Variants in ASTN2 observed in about 807,000 individuals in gnomAD.
The protein encoded by ASTN2 is astrotactin 2, also known as astrotactin-2.
ASTN2 carries 54 observed loss-of-function variants against 139.8 expected under a neutral mutation model. The observed-to-expected ratio is 0.39, with a 90% CI of 0.31 to 0.48. The LOEUF is 0.48. Ranked by LOEUF, ASTN2 falls within the 20% of genes least tolerant of loss-of-function variation. ASTN2 has a pLI of 0.95. For synonymous variants in ASTN2, 756 were observed against 719.5 expected (o/e 1.05, Z -0.81); for missense variants, 1,565 against 1,725.1 (o/e 0.91, Z 1.64).
chr9:116,710,624 G>A (rs553230577), intron 16 of ASTN2, among the ~76,000 whole-genome samples: 119 of 150,964 alleles, frequency 7.9e-4, no homozygotes, highest in African/African-American at 2.8e-3. Flanking sequence ...CCAGCTACTC[G>A]GGGAAGTCTG....
chr9:116,836,380 C>A (rs1564294409), intron 11 of ASTN2, among the ~76,000 whole-genome samples: 1 of 152,132 alleles, frequency 6.6e-6, no homozygotes, highest in Non-Finnish European at 1.5e-5. Flanking sequence ...GATGGGGGTG[C>A]TCACTATCTA....
At chr9:116,808,160 C>A (rs1307427365) in intron 12 of ASTN2, among the ~76,000 whole-genome samples, 2 of 152,048 alleles carry the variant, frequency 1.3e-5, no homozygotes, top group Non-Finnish European at 2.9e-5. Flanking sequence ...TTATCAAAGT[C>A]TATAGAGTAA....
intron 22 of ASTN2, among the ~76,000 whole-genome samples, chr9:116,438,897 C>T (rs941153542): frequency 1.3e-5 from 2 of 152,236 alleles, no homozygotes; most frequent in East Asian, 3.9e-4. Flanking sequence ...TTGCAGTGAG[C>T]CAAGATAGCA....
intron 4 of ASTN2, among the ~76,000 whole-genome samples, chr9:117,102,694 G>A (rs943912057): frequency 1.3e-5 from 2 of 151,944 alleles, no homozygotes; most frequent in African/African-American, 4.8e-5. Flanking sequence ...AGCTAATTTT[G>A]TATTTTTAAT....
Position 116,783,413 on chromosome 9 carries a change from C to A in ASTN2, c.2396+22219G>T, listed in dbSNP as rs537919686. On this transcript the variant is annotated intron_variant, in intron 13 of 22. Transcript: ENST00000313400. ...TCTATCTTGTTAACGACCTACCACG[C>A]ACCAAGCCCTGTTCACTCTAATTAC... 2.6e-5 allele frequency among the ~76,000 whole-genome samples: 4 copies of A among 151,754 alleles called. No individual in the cohort carries two copies. The East Asian group carries it at 7.8e-4, about 30-fold the overall frequency.
chr9:116,479,410 C>A (rs1849095398), intron 20 of ASTN2, among the ~76,000 whole-genome samples: 1 of 152,166 alleles, frequency 6.6e-6, no homozygotes, highest in African/African-American at 2.4e-5. Flanking sequence ...CCAGGCTGTG[C>A]CCAGGAGAGG....
intron 13 of ASTN2, among the ~76,000 whole-genome samples, chr9:116,778,949 A>G (rs377381400): frequency 6.6e-6 from 1 of 152,332 alleles, no homozygotes; most frequent in East Asian, 1.9e-4. Flanking sequence ...GAACTATCGC[A>G]TACTGTTAGG....
chr9:117,307,638 G>C (rs748255974), intron 1 of ASTN2, among the ~76,000 whole-genome samples: 1 of 152,196 alleles, frequency 6.6e-6, no homozygotes, highest in Non-Finnish European at 1.5e-5. Context: ...TGTGTGCACT[G>C]GTTCTTTACA....
chr9:116,425,116 T>C lies in ASTN2; in HGVS notation c.*735A>G, dbSNP rs543107674. The stretch of plus-strand genomic sequence containing the variant: ...GTTCCCTGAGGGAAGGAAGCTTCTC[T>C]GTCTTTAGTTGCATATGCTCTGTGA... On this transcript the variant is annotated 3_prime_UTR_variant, in exon 23 of 23. Coordinates refer to ENST00000313400, the MANE Select transcript of ASTN2 (RefSeq NM_001365068.1). The C allele has an allele frequency of 2.4e-5, 4 of 165,214 alleles. No homozygotes were observed. In the South Asian group the frequency reaches 7.1e-4, roughly 29 times the overall value. 10.2% of individuals were successfully genotyped at this position (165,214 alleles called of 1,614,324 possible). A position where few individuals can be genotyped will look rare whatever the true frequency, so the allele number is the denominator to read the frequency against.
chr9:116,480,946 A>G (rs1307108694), intron 20 of ASTN2, among the ~76,000 whole-genome samples: 2 of 152,196 alleles, frequency 1.3e-5, no homozygotes, highest in East Asian at 3.8e-4. Flanking sequence ...CACAAATAGT[A>G]GTCACAGTGG....
chr9:116,700,212 C>T (rs556842802), intron 16 of ASTN2: 123 of 195,298 alleles, frequency 6.3e-4, no homozygotes, highest in African/African-American at 2.8e-3. Flanking sequence ...ATTCCCGTAA[C>T]ATTATGTCTC....
intron 3 of ASTN2, among the ~76,000 whole-genome samples, chr9:117,161,260 A>C (rs2132901846): frequency 6.6e-6 from 1 of 152,200 alleles, no homozygotes; most frequent in East Asian, 1.9e-4. Context: ...AAGGAACACA[A>C]AAATAACTCT....
At chr9:117,142,111 G>A (rs1830089256) in intron 3 of ASTN2, among the ~76,000 whole-genome samples, 2 of 152,204 alleles carry the variant, frequency 1.3e-5, no homozygotes, top group Admixed American at 6.5e-5. Context: ...GTAGTTACAA[G>A]AGAGCTTGCA....
chr9:116,814,335 A>G (rs113784577), intron 12 of ASTN2, among the ~76,000 whole-genome samples: 2 of 152,242 alleles, frequency 1.3e-5, no homozygotes, highest in African/African-American at 4.8e-5. Flanking sequence ...AACATTAACC[A>G]AACGAAGATC....
At chr9:117,244,527 G>GGGAAGGAA (rs1299031563) in intron 2 of ASTN2, among the ~76,000 whole-genome samples, 1 of 148,108 alleles carries the variant, frequency 6.8e-6, no homozygotes, top group Non-Finnish European at 1.5e-5. Flanking sequence ...TAGAACAGTG[G>GGGAAGGAA]GGAAGGAAGG....
intron 13 of ASTN2, among the ~76,000 whole-genome samples, chr9:116,751,645 A>C (rs927658594): frequency 6.6e-6 from 1 of 152,150 alleles, no homozygotes; most frequent in African/African-American, 2.4e-5. Context: ...TGCTGGAATT[A>C]ATAAGTGATT....
intron 3 of ASTN2, among the ~76,000 whole-genome samples, chr9:117,209,277 T>C (rs1832042237): frequency 6.6e-6 from 1 of 151,814 alleles, no homozygotes; most frequent in Non-Finnish European, 1.5e-5. Flanking sequence ...GATGAAAAAA[T>C]AAGACAAAAC....
At chr9:116,514,065 G>A (rs1265002698) in intron 19 of ASTN2, among the ~76,000 whole-genome samples, 2 of 151,914 alleles carry the variant, frequency 1.3e-5, no homozygotes, top group African/African-American at 4.8e-5. Flanking sequence ...CTTTGGAGGT[G>A]GAGAGGTGCT....
intron 1 of ASTN2, among the ~76,000 whole-genome samples, chr9:117,326,745 G>T (rs1828532166): frequency 1.3e-5 from 2 of 151,830 alleles, no homozygotes; most frequent in Non-Finnish European, 2.9e-5. Flanking sequence ...GGGTGATGAA[G>T]TGTTCCAAGT....
Sources: gnomAD v4.1 joint callset for allele counts (sites outside exome capture counted in the v4.1 genomes callset) on GRCh38, gnomAD v4.1.1 for gene constraint, MANE v1.5 for transcripts, NCBI Gene and HGNC (gene_info 2026-07-23, HGNC 2026-07-21) for gene names.